The following NMNAT3 variants were observed in gnomAD, a reference collection of about 807,000 sequenced individuals.
NMNAT3 encodes the protein nicotinamide nucleotide adenylyltransferase 3.
NMNAT3 carries 21 observed loss-of-function variants against 24.8 expected under a neutral mutation model. The ratio of observed to expected loss-of-function variants is 0.85; its 90% confidence interval spans 0.60 to 1.22. The LOEUF (loss-of-function observed/expected upper bound fraction) is 1.22. Among genes scored for constraint, NMNAT3 ranks in the 50% most tolerant of loss-of-function variants. NMNAT3 has a pLI of 0.00. For synonymous variants in NMNAT3, 136 were observed against 155.2 expected (o/e 0.88, Z 0.92); for missense variants, 387 against 436.6 (o/e 0.89, Z 1.01).
intron 1 of NMNAT3, among the ~76,000 whole-genome samples, chr3:139,670,602 G>A (rs1055018758): frequency 6.6e-6 from 1 of 152,222 alleles, no homozygotes; most frequent in African/African-American, 2.4e-5. Context: ...GCTTTGGCCA[G>A]CATTAGGTAG....
intron 1 of NMNAT3, among the ~76,000 whole-genome samples, chr3:139,652,197 C>G (rs1297945687): frequency 6.6e-6 from 1 of 152,214 alleles, no homozygotes; most frequent in Non-Finnish European, 1.5e-5. Flanking sequence ...AGCTTCACTG[C>G]CCTGCAGCAG....
intron 3 of NMNAT3, among the ~76,000 whole-genome samples, chr3:139,626,365 T>G (rs535046563): frequency 6.6e-6 from 1 of 152,110 alleles, no homozygotes; most frequent in South Asian, 2.1e-4. Context: ...ACTAATCTTT[T>G]CTTCTGTAAT....
At chr3:139,575,344 C>T (rs1016357238) in intron 5 of NMNAT3, among the ~76,000 whole-genome samples, 2 of 152,030 alleles carry the variant, frequency 1.3e-5, no homozygotes, top group African/African-American at 4.8e-5. Flanking sequence ...GAGGATTCAC[C>T]CTTGGATTGG....
At chr3:139,573,531 AC>A (rs773537304) in intron 6 of NMNAT3, 66 bp downstream of exon 6, 5 of 934,458 alleles carry the variant, frequency 5.4e-6, no homozygotes, top group Middle Eastern at 2.3e-4. Context: ...GACCACCCCT[AC>A]CCCCTTCAGT....
chr3:139,621,918 CT>C (rs1394468853), intron 3 of NMNAT3, among the ~76,000 whole-genome samples: 1 of 152,148 alleles, frequency 6.6e-6, no homozygotes, highest in Admixed American at 6.5e-5. Context: ...TGATTTCATT[CT>C]TTTTTGTGGC....
intron 6 of NMNAT3, chr3:139,569,074 T>G (rs1338131525): frequency 6.6e-6 from 1 of 152,244 alleles, no homozygotes; most frequent in Non-Finnish European, 1.5e-5. Context: ...TCCTGTTGAA[T>G]TGATCCCTTT....
At chr3:139,563,306 T>C (rs892451799) in intron 6 of NMNAT3, among the ~76,000 whole-genome samples, 1 of 152,228 alleles carries the variant, frequency 6.6e-6, no homozygotes. Flanking sequence ...AGGAGAACAG[T>C]GTTTGGTCTT....
In NMNAT3 at chr3:139,656,296, T is replaced by A. The variant is rs563426437; in HGVS notation, c.-140-18234A>T. ...TAGCATTAATTGACAGAGTAGCATGTAAATGAGATCACAACCATGGTTTTG... is the reference window on the plus strand; with the variant it reads ...TAGCATTAATTGACAGAGTAGCATGAAAATGAGATCACAACCATGGTTTTG... On this transcript the variant is annotated intron_variant, in intron 1 of 6. Transcript: ENST00000643695. Among the ~76,000 whole-genome samples the A allele has an allele frequency of 2.0e-5, 3 of 152,360 alleles. No homozygotes were observed. The South Asian group carries it at 6.2e-4, about 32-fold the overall frequency.
At chr3:139,626,311 TTCCTG>T (rs2056048269) in intron 3 of NMNAT3, among the ~76,000 whole-genome samples, 1 of 152,082 alleles carries the variant, frequency 6.6e-6, no homozygotes, top group African/African-American at 2.4e-5. Context: ...AAATTTTTTC[TTCCTG>T]TATTTTTAGA....
At chr3:139,653,665 C>T (rs986557448) in intron 1 of NMNAT3, among the ~76,000 whole-genome samples, 3 of 152,198 alleles carry the variant, frequency 2.0e-5, no homozygotes, top group African/African-American at 7.2e-5. Context: ...CCAGCTGGGG[C>T]ATAAGCCAGG....
intron 1 of NMNAT3, among the ~76,000 whole-genome samples, chr3:139,664,936 CTG>C (rs1183458775): frequency 6.6e-6 from 1 of 152,028 alleles, no homozygotes; most frequent in African/African-American, 2.4e-5. Flanking sequence ...CAATAAGAGT[CTG>C]AGATTTAAGA....
chr3:139,617,248 T>C (rs2055549246), intron 3 of NMNAT3, among the ~76,000 whole-genome samples: 1 of 152,164 alleles, frequency 6.6e-6, no homozygotes, highest in Non-Finnish European at 1.5e-5. Flanking sequence ...GTTTGTCTAT[T>C]CCAGAACCAC....
intron 1 of NMNAT3, among the ~76,000 whole-genome samples, chr3:139,641,743 A>G (rs6439874): frequency 0.04 from 6,019 of 152,296 alleles, 389 homozygotes; most frequent in African/African-American, 0.14. Flanking sequence ...GCTGACATGA[A>G]ATGATTTACG....
chr3:139,649,252 CT>C (rs1312196993), intron 1 of NMNAT3, among the ~76,000 whole-genome samples: 3 of 152,200 alleles, frequency 2.0e-5, no homozygotes, highest in Non-Finnish European at 4.4e-5. Context: ...AGGAGATGGT[CT>C]TTAAAGATTG....
chr3:139,615,325 T>C (rs1195464280), intron 3 of NMNAT3, among the ~76,000 whole-genome samples: 1 of 152,232 alleles, frequency 6.6e-6, no homozygotes, highest in African/African-American at 2.4e-5. Context: ...GTTTATATTA[T>C]GGCTACTGGG....
chr3:139,673,087 T>C (rs2057810147), intron 1 of NMNAT3, among the ~76,000 whole-genome samples: 1 of 152,096 alleles, frequency 6.6e-6, no homozygotes, highest in African/African-American at 2.4e-5. Flanking sequence ...CACAACATGA[T>C]AAAATCTATG....
At chr3:139,674,229 C>G (rs1158567505) in intron 1 of NMNAT3, among the ~76,000 whole-genome samples, 2 of 152,260 alleles carry the variant, frequency 1.3e-5, no homozygotes, top group Non-Finnish European at 2.9e-5. Flanking sequence ...GAGCTGATTT[C>G]TCAGATTCTC....
chr3:139,623,088 T>G (rs2055878677), intron 3 of NMNAT3, among the ~76,000 whole-genome samples: 1 of 152,068 alleles, frequency 6.6e-6, no homozygotes, highest in African/African-American at 2.4e-5. Context: ...TTTTACTTTA[T>G]AAACTTGACA....
intron 3 of NMNAT3, among the ~76,000 whole-genome samples, chr3:139,620,078 T>A (rs971774597): frequency 6.6e-6 from 1 of 152,226 alleles, no homozygotes; most frequent in Non-Finnish European, 1.5e-5. Flanking sequence ...ATTTAGTTTA[T>A]ACGTCTTCTA....
Sources: gnomAD v4.1 joint callset for allele counts (sites outside exome capture counted in the v4.1 genomes callset) on GRCh38, gnomAD v4.1.1 for gene constraint, MANE v1.5 for transcripts, NCBI Gene and HGNC (gene_info 2026-07-23, HGNC 2026-07-21) for gene names.